Variants in CDKN2B-AS1 observed in about 807,000 individuals in gnomAD.
CDKN2B-AS1 encodes CDKN2B and CDKN2A antisense cis and trans regulatory RNA 1.
At chr9:22,017,197 C>T (rs201475344) in intron 1 of CDKN2B-AS1, among the ~76,000 whole-genome samples, 31 of 152,190 alleles carry the variant, frequency 2.0e-4, no homozygotes, top group South Asian at 1.0e-3. Flanking sequence ...GAGGCCGAGG[C>T]GCGCAGATCA....
intron 1 of CDKN2B-AS1, chr9:22,012,314 C>G: frequency 6.9e-7 from 1 of 1,456,892 alleles, no homozygotes; most frequent in Non-Finnish European, 9.6e-7. Flanking sequence ...GGAGGATGGC[C>G]GCACTCTCTC....
chr9:22,088,855 C>T (rs575525887), intron 4 of CDKN2B-AS1, among the ~76,000 whole-genome samples: 58 of 152,268 alleles, frequency 3.8e-4, no homozygotes, highest in African/African-American at 1.3e-3. Context: ...GACTCCCAGG[C>T]CTGGGTGGAG....
At chr9:22,009,802 C>G (rs1463486280) in intron 1 of CDKN2B-AS1, among the ~76,000 whole-genome samples, 1 of 152,224 alleles carries the variant, frequency 6.6e-6, no homozygotes, top group Non-Finnish European at 1.5e-5. Context: ...TTGTATCAAA[C>G]TTAGCAATTT....
At chr9:22,048,240 T>G (rs562090902) in intron 2 of CDKN2B-AS1, among the ~76,000 whole-genome samples, 1 of 152,128 alleles carries the variant, frequency 6.6e-6, no homozygotes, top group South Asian at 2.1e-4. Flanking sequence ...TCAGCAGAAG[T>G]GTGTGCCTCT....
chr9:22,113,513 G>T (rs538890965), intron 4 of CDKN2B-AS1, among the ~76,000 whole-genome samples: 6 of 152,290 alleles, frequency 3.9e-5, no homozygotes, highest in Admixed American at 2.6e-4. Context: ...AGAGACTAGG[G>T]TATAAAATCT....
At chr9:22,018,829 C>T (rs577181390) in intron 1 of CDKN2B-AS1, among the ~76,000 whole-genome samples, 1 of 151,950 alleles carries the variant, frequency 6.6e-6, no homozygotes, top group South Asian at 2.1e-4. Context: ...AAATATTGAG[C>T]CCCCCCAATA....
In CDKN2B-AS1 at chr9:22,101,687, CACACACACACACACAT is replaced by C. The variant is rs1825490241; in HGVS notation, n.439-25415_439-25400del. Among the ~76,000 whole-genome samples, 3 of 127,274 alleles carry C rather than the reference CACACACACACACACAT, an allele frequency of 2.4e-5. No individual in the cohort carries two copies. The Admixed American group carries it at 2.5e-4, about 10-fold the overall frequency. The allele number at this position is 127,274 out of a possible 152,430, so 83.5% of individuals were successfully genotyped here. A position where few individuals can be genotyped will look rare whatever the true frequency, so the allele number is the denominator to read the frequency against. On this transcript the variant is annotated intron_variant and non_coding_transcript_variant, in intron 4 of 4. Coordinates refer to ENST00000650946, the Ensembl canonical transcript of CDKN2B-AS1. Reference sequence around the variant, plus strand: ...TTCAACACACACACACACACACACACACACACACACACACATGGCTTCTAGATTCTACATGTACAAG... The same window carrying C: ...TTCAACACACACACACACACACACACGGCTTCTAGATTCTACATGTACAAG...
At chr9:22,108,948 A>G (rs563266067) in intron 4 of CDKN2B-AS1, among the ~76,000 whole-genome samples, 11 of 152,300 alleles carry the variant, frequency 7.2e-5, no homozygotes, top group Admixed American at 5.2e-4. Context: ...AACAAAATAA[A>G]AAAAACCCCA....
intron 4 of CDKN2B-AS1, among the ~76,000 whole-genome samples, chr9:22,115,319 T>A (rs1263988593): frequency 6.6e-6 from 1 of 152,160 alleles, no homozygotes; most frequent in African/African-American, 2.4e-5. Context: ...GCATATTTTG[T>A]ACAAATGAAA....
chr9:22,099,093 A>T (rs1825391225), intron 4 of CDKN2B-AS1, among the ~76,000 whole-genome samples: 1 of 152,234 alleles, frequency 6.6e-6, no homozygotes, highest in Non-Finnish European at 1.5e-5. Flanking sequence ...GTTTTCCCAG[A>T]GATGAGTCTT....
At chr9:22,007,432 G>C (rs1477503116) in intron 1 of CDKN2B-AS1, among the ~76,000 whole-genome samples, 1 of 152,124 alleles carries the variant, frequency 6.6e-6, no homozygotes, top group African/African-American at 2.4e-5. Context: ...GCATAACTTA[G>C]AAAAAATGAT....
intron 4 of CDKN2B-AS1, among the ~76,000 whole-genome samples, chr9:22,100,792 C>T (rs1484226365): frequency 1.3e-5 from 2 of 152,204 alleles, no homozygotes; most frequent in Admixed American, 6.5e-5. Context: ...TCCCACTTCT[C>T]CACATCTTTG....
intron 1 of CDKN2B-AS1, chr9:22,046,269 T>C (rs1823106212): frequency 6.6e-6 from 1 of 152,134 alleles, no homozygotes; most frequent in African/African-American, 2.4e-5. Context: ...TGTTTGATTT[T>C]AATAGCAACT....
At chr9:22,076,369 A>G (rs1824492171) in intron 4 of CDKN2B-AS1, among the ~76,000 whole-genome samples, 1 of 152,188 alleles carries the variant, frequency 6.6e-6, no homozygotes, top group Non-Finnish European at 1.5e-5. Flanking sequence ...TAACATAAAC[A>G]AAGAAATAAA....
At chr9:22,053,631 T>A (rs1274947803) in intron 3 of CDKN2B-AS1, among the ~76,000 whole-genome samples, 1 of 152,216 alleles carries the variant, frequency 6.6e-6, no homozygotes, top group Non-Finnish European at 1.5e-5. Flanking sequence ...TTTCTACCAC[T>A]TTCTTTCTTC....
intron 4 of CDKN2B-AS1, among the ~76,000 whole-genome samples, chr9:22,105,218 A>G (rs1308112572): frequency 6.6e-6 from 1 of 152,230 alleles, no homozygotes; most frequent in Admixed American, 6.5e-5. Context: ...AGCTGCACAT[A>G]TGAAGACTAT....
chr9:22,019,950 G>C (rs953373439), intron 1 of CDKN2B-AS1, among the ~76,000 whole-genome samples: 2 of 152,080 alleles, frequency 1.3e-5, no homozygotes, highest in African/African-American at 4.8e-5. Flanking sequence ...TTGTTGTACA[G>C]ATTGTTTCAT....
chr9:22,125,095 CA>C (rs1435218407), intron 4 of CDKN2B-AS1, among the ~76,000 whole-genome samples: 1 of 152,236 alleles, frequency 6.6e-6, no homozygotes, highest in Non-Finnish European at 1.5e-5. Flanking sequence ...TTTTAAGATA[CA>C]TCTCATTTTT....
At chr9:22,126,666 G>T (rs1051801669) in intron 4 of CDKN2B-AS1, among the ~76,000 whole-genome samples, 1 of 147,818 alleles carries the variant, frequency 6.8e-6, no homozygotes, top group African/African-American at 2.6e-5. Flanking sequence ...TCCGCCTCCG[G>T]AGTTCACGCC....
Sources: allele counts gnomAD v4.1 joint callset (sites outside exome capture counted in the v4.1 genomes callset), GRCh38; gene constraint gnomAD v4.1.1; transcripts MANE v1.5; gene names NCBI Gene and HGNC (gene_info 2026-07-23, HGNC 2026-07-21).